Variants in DNAI2 observed in about 807,000 individuals in gnomAD.
DNAI2 encodes the protein dynein, axonemal, intermediate polypeptide 2.
In DNAI2, 63 loss-of-function variants were observed where a neutral mutation model predicts 74.7. The observed-to-expected ratio is 0.84, with a 90% CI of 0.69 to 1.04. The LOEUF (loss-of-function observed/expected upper bound fraction) is 1.04, where lower values mean the gene tolerates loss of function less well. DNAI2 is among the 50% of genes least tolerant of loss of function. DNAI2 has a pLI of 0.00. For synonymous variants in DNAI2, 289 were observed against 314.9 expected, an observed-to-expected ratio of 0.92 and a Z score of 0.87; for missense variants, 688 against 803.2, an observed-to-expected ratio of 0.86 and a Z score of 1.73.
chr17:74,289,356 G>A (rs777672675), intron 4 of DNAI2, among the ~76,000 whole-genome samples: 2 of 152,170 alleles, frequency 1.3e-5, no homozygotes, highest in African/African-American at 4.8e-5. Flanking sequence ...GTAAAAACCT[G>A]TCTCTACTAA....
At chr17:74,291,681 T>C (rs2052110558) in intron 6 of DNAI2, among the ~76,000 whole-genome samples, 1 of 152,182 alleles carries the variant, frequency 6.6e-6, no homozygotes, top group South Asian at 2.1e-4. Flanking sequence ...TAAAAAACTA[T>C]AGTTCAAGTA....
intron 4 of DNAI2, among the ~76,000 whole-genome samples, chr17:74,287,954 CAA>C (rs35302128): frequency 1.1e-4 from 15 of 134,472 alleles, no homozygotes; most frequent in East Asian, 2.1e-4. Context: ...GACTCTGTCT[CAA>C]AAAAAAAAAA....
chr17:74,289,535 G>GAAATT (rs2051956277), intron 4 of DNAI2, 59 bp from the exon 5 acceptor site: 7 of 1,554,738 alleles, frequency 4.5e-6, no homozygotes, highest in Non-Finnish European at 6.1e-6. Flanking sequence ...AAAAAAAAAA[G>GAAATT]GGGGAGAAAT....
chr17:74,285,291 G>A (rs1488141914), intron 3 of DNAI2, 90 bp downstream of exon 3: 10 of 1,496,280 alleles, frequency 6.7e-6, no homozygotes, highest in East Asian at 2.4e-5. Flanking sequence ...CCTGGCCATC[G>A]CTGTGAGGCT....
intron 12 of DNAI2, among the ~76,000 whole-genome samples, chr17:74,313,395 C>T (rs909140715): frequency 6.6e-6 from 1 of 152,164 alleles, no homozygotes; most frequent in Admixed American, 6.5e-5. Flanking sequence ...GGGCAGAGAG[C>T]TCCCTCCACT....
chr17:74,284,664 G>A (rs1351721512), intron 2 of DNAI2, among the ~76,000 whole-genome samples: 8 of 152,056 alleles, frequency 5.3e-5, no homozygotes, highest in African/African-American at 1.4e-4. Context: ...TGCTCGCCTC[G>A]GCCTCCCAAA....
chr17:74,312,632 G>A (rs1311513778), intron 12 of DNAI2, among the ~76,000 whole-genome samples: 2 of 152,216 alleles, frequency 1.3e-5, no homozygotes, highest in African/African-American at 4.8e-5. Flanking sequence ...GACATTAGCG[G>A]TGTGCACGTC....
In DNAI2 at chr17:74,309,262, G is replaced by A. The variant is rs2053365294; in HGVS notation, c.1221G>A (p.Met407Ile). ...GGTCTACCTCCCACAGGTACCACAT[G>A]GCTTACCTCACTGATGCTGCCTGGA... Reference protein sequence around the residue: ...ESSIMWTKYHMAYLTDAAWSP... With the variant: ...ESSIMWTKYHIAYLTDAAWSP... Residue 407 changes from methionine to isoleucine, a missense_variant, in exon 10 of 14, where the codon ATG (methionine) becomes ATA (isoleucine). By Grantham distance (10) the Met-to-Ile change is conservative. Coordinates refer to ENST00000311014, the MANE Select transcript of DNAI2 (RefSeq NM_023036.6). The A allele has an allele frequency of 1.2e-6, 2 of 1,613,998 alleles. No homozygotes were observed. The highest frequency in any genetic ancestry group is 1.7e-6 in the Non-Finnish European group (2 of 1,179,988).
Position 74,294,336 on chromosome 17 carries a change from G to T in DNAI2, c.724+3203G>T, listed in dbSNP as rs181338913. Among the ~76,000 whole-genome samples the T allele has an allele frequency of 1.9e-3, 282 of 146,424 alleles. 1 individual carries two copies. Among genetic ancestry groups the T allele is most frequent in the African/African-American group, 6.8e-3 (270 of 39,570 alleles). ...CTTTTCTTTTTTTTTTAGAGACAAG[G>T]TCTCACTCTGTCACCCAAGCTGGAG... is the stretch of plus-strand genomic sequence containing the variant. On this transcript the variant is annotated intron_variant, in intron 6 of 13. Transcript: ENST00000311014.
At chr17:74,307,109 A>AG in intron 9 of DNAI2, 1 of 368,212 alleles carries the variant, frequency 2.7e-6, no homozygotes, top group South Asian at 2.0e-5. Context: ...CTGGCTGACA[A>AG]GGGCAGTGCA....
intron 4 of DNAI2, 149 bp downstream of exon 4, chr17:74,287,247 C>A: frequency 7.6e-7 from 1 of 1,321,548 alleles, no homozygotes; most frequent in Admixed American, 2.0e-5. Context: ...GATAAGTCAC[C>A]CAGCAGAGAA....
chr17:74,285,313 T>C, intron 3 of DNAI2, 112 bp downstream of exon 3: 3 of 1,386,582 alleles, frequency 2.2e-6, no homozygotes, highest in Non-Finnish European at 3.0e-6. Context: ...GTGTGAATGC[T>C]GGGGGGAAGG....
Position 74,305,313 on chromosome 17 carries a change from C to G in DNAI2, c.1082C>G (p.Pro361Arg), listed in dbSNP as rs754901875. ...TSAEKIVCTF[P>R]GHHGPIYALQ... ...GCTGAAAAGATTGTGTGCACCTTCCCGGGCCATCATGGCCCCATCTACGCC... is the reference window on the plus strand; with the variant it reads ...GCTGAAAAGATTGTGTGCACCTTCCGGGGCCATCATGGCCCCATCTACGCC... The change falls in exon 9 of 14, where the codon CCG becomes CGG. Residue 361 changes from proline (P) to arginine (R), a missense_variant. Pro to Arg is a moderately radical substitution (Grantham distance 103). Transcript: ENST00000311014. The G allele has an allele frequency of 1.2e-6, 2 of 1,614,132 alleles. No individual in the cohort carries two copies. The highest frequency in any genetic ancestry group is 1.7e-5 in the Admixed American group (1 of 60,014).
intron 8 of DNAI2, among the ~76,000 whole-genome samples, chr17:74,304,806 G>A (rs2053084860): frequency 6.6e-6 from 1 of 152,176 alleles, no homozygotes; most frequent in African/African-American, 2.4e-5. Flanking sequence ...GTCTTGCCAG[G>A]GAAGGCTCTG....
At chr17:74,277,064 G>A (rs2051124794) in intron 1 of DNAI2, among the ~76,000 whole-genome samples, 1 of 152,046 alleles carries the variant, frequency 6.6e-6, no homozygotes, top group African/African-American at 2.4e-5. Context: ...CTCCCACCCA[G>A]GAAAGAGAAT....
intron 6 of DNAI2, among the ~76,000 whole-genome samples, chr17:74,295,511 A>T (rs775671172): frequency 6.6e-5 from 10 of 152,270 alleles, no homozygotes; most frequent in Middle Eastern, 3.4e-3. Flanking sequence ...AGTTCTTTGA[A>T]CATGTTTAGC....
At chr17:74,281,046 C>T (rs1598267332) in intron 1 of DNAI2, among the ~76,000 whole-genome samples, 1 of 139,602 alleles carries the variant, frequency 7.2e-6, no homozygotes, top group East Asian at 2.1e-4. Flanking sequence ...GTGAGCACAC[C>T]ACTGCACTCC....
At chr17:74,308,790 G>A (rs911080867) in intron 9 of DNAI2, among the ~76,000 whole-genome samples, 1 of 152,012 alleles carries the variant, frequency 6.6e-6, no homozygotes, top group African/African-American at 2.4e-5. Context: ...CCAAAGTGCT[G>A]GGATTACAGG....
chr17:74,293,162 G>C (rs1384365105), intron 6 of DNAI2, among the ~76,000 whole-genome samples: 1 of 152,106 alleles, frequency 6.6e-6, no homozygotes, highest in African/African-American at 2.4e-5. Flanking sequence ...TAGTTGTCTG[G>C]GAGGTCTTGT....
Sources: allele counts gnomAD v4.1 joint callset (sites outside exome capture counted in the v4.1 genomes callset), GRCh38; gene constraint gnomAD v4.1.1; transcripts MANE v1.5; gene names NCBI Gene and HGNC (gene_info 2026-07-23, HGNC 2026-07-21).